Variants in ADCY5 observed in about 807,000 individuals in gnomAD.
The protein encoded by ADCY5 is adenylate cyclase type 5.
Under a neutral mutation model 119.7 loss-of-function variants are expected in ADCY5, and 30 were observed. The observed-to-expected ratio is 0.25, with a 90% CI of 0.19 to 0.34. ADCY5 has a LOEUF of 0.34. ADCY5 is among the 10% of genes least tolerant of loss of function. The probability of loss-of-function intolerance (pLI) is 1.00; values close to 1 mark genes in which losing one functional copy is unlikely to be tolerated. For missense variants in ADCY5, 1,324 were observed against 1,775.2 expected (o/e 0.75, Z 4.57); for synonymous variants, 753 against 762.2 (o/e 0.99, Z 0.20).
intron 11 of ADCY5, 69 bp downstream of exon 11, chr3:123,317,950 AC>A: frequency 7.0e-7 from 1 of 1,420,138 alleles, no homozygotes. Context: ...CTCCTAAATG[AC>A]CACCCCCTCC....
chr3:123,376,934 ATCC>A (rs1215278716), intron 1 of ADCY5, among the ~76,000 whole-genome samples: 1 of 152,196 alleles, frequency 6.6e-6, no homozygotes, highest in Admixed American at 6.5e-5. Context: ...GGGAAGCTGC[ATCC>A]TCTGGTGTTT....
At chr3:123,325,235 C>T in intron 8 of ADCY5, 87 bp downstream of exon 8, 1 of 1,513,800 alleles carries the variant, frequency 6.6e-7, no homozygotes, top group South Asian at 1.2e-5. Flanking sequence ...CCTTGGGCAA[C>T]ACGAGGCATC....
intron 1 of ADCY5, among the ~76,000 whole-genome samples, chr3:123,434,749 G>T (rs1945578565): frequency 6.6e-6 from 1 of 152,042 alleles, no homozygotes; most frequent in Admixed American, 6.6e-5. Context: ...CTCCCCAGGG[G>T]ATTCAAAGGT....
At chr3:123,391,048 C>G (rs1944388369) in intron 1 of ADCY5, among the ~76,000 whole-genome samples, 1 of 152,262 alleles carries the variant, frequency 6.6e-6, no homozygotes, top group Non-Finnish European at 1.5e-5. Flanking sequence ...CACTTCCCAT[C>G]TGCCCCTCCA....
At chr3:123,383,025 G>C (rs1381494943) in intron 1 of ADCY5, among the ~76,000 whole-genome samples, 1 of 152,082 alleles carries the variant, frequency 6.6e-6, no homozygotes, top group Non-Finnish European at 1.5e-5. Context: ...TCTCCCACCA[G>C]CCATCCTCAG....
At position 123,300,299 on chromosome 3, in the gene ADCY5, C is replaced by G; in HGVS notation, c.2725-4G>C. 1.2e-6 allele frequency: 2 copies of G among 1,612,794 alleles called. No individual in the cohort carries two copies. The highest frequency in any genetic ancestry group is 1.7e-6 in the Non-Finnish European group (2 of 1,179,868). On this transcript the variant is annotated splice_region_variant and splice_polypyrimidine_tract_variant and intron_variant, in intron 14 of 20. Transcript: ENST00000462833. ...GCAGCACGCTGTAGGTGAAGTACTG[C>G]GGGCAGAGGGCAGCAGCATCAGCTC...
chr3:123,419,329 C>CTCAT (rs1280624400), intron 1 of ADCY5: 5 of 398,264 alleles, frequency 1.3e-5, no homozygotes, highest in African/African-American at 1.1e-4. Flanking sequence ...ATCACTCTGG[C>CTCAT]TCATCTTCCA....
At chr3:123,365,095 A>G (rs11915884) in intron 1 of ADCY5, among the ~76,000 whole-genome samples, 151,178 of 152,212 alleles carry the variant, frequency 0.99, 75,091 homozygotes, top group East Asian at 1. Context: ...CACCATGCCT[A>G]GCTAATTTTT....
chr3:123,297,018 T>C, intron 16 of ADCY5: 1 of 1,536,032 alleles, frequency 6.5e-7, no homozygotes, highest in Non-Finnish European at 8.7e-7. Flanking sequence ...AGGTACCAGC[T>C]TCCATTCTCC....
chr3:123,438,813 C>T (rs1945670313), intron 1 of ADCY5, among the ~76,000 whole-genome samples: 1 of 152,090 alleles, frequency 6.6e-6, no homozygotes, highest in Non-Finnish European at 1.5e-5. Context: ...GTGGCATGAT[C>T]ACAGCTGACT....
At chr3:123,429,797 T>G (rs2107645426) in intron 1 of ADCY5, among the ~76,000 whole-genome samples, 2 of 152,256 alleles carry the variant, frequency 1.3e-5, no homozygotes, top group South Asian at 2.1e-4. Context: ...TCTCAGCTTC[T>G]GAAAAAACCA....
chr3:123,343,596 G>A (rs1942384490), intron 3 of ADCY5, among the ~76,000 whole-genome samples: 1 of 152,188 alleles, frequency 6.6e-6, no homozygotes, highest in African/African-American at 2.4e-5. Flanking sequence ...TTCTCTGGCT[G>A]AGAAGGCTGA....
chr3:123,337,166 T>C (rs1047538826), intron 3 of ADCY5, among the ~76,000 whole-genome samples: 1 of 152,226 alleles, frequency 6.6e-6, no homozygotes, highest in Admixed American at 6.5e-5. Flanking sequence ...TGTATTACTG[T>C]TGTTTATTAT....
intron 1 of ADCY5, chr3:123,419,241 C>A (rs1945251691): frequency 2.0e-6 from 2 of 985,012 alleles, no homozygotes; most frequent in Admixed American, 1.2e-4. Flanking sequence ...CACTCAAGGC[C>A]CTCCCCTCCA....
chr3:123,324,998 C>G (rs1430286227), intron 8 of ADCY5, among the ~76,000 whole-genome samples: 2 of 152,216 alleles, frequency 1.3e-5, no homozygotes, highest in African/African-American at 4.8e-5. Flanking sequence ...CAAGAGACAG[C>G]TGGAGGCTGT....
intron 1 of ADCY5, among the ~76,000 whole-genome samples, chr3:123,440,015 T>C (rs1945696014): frequency 6.6e-6 from 1 of 152,218 alleles, no homozygotes; most frequent in Non-Finnish European, 1.5e-5. Context: ...CCCACCAAAA[T>C]AGGCTTCCAA....
At chr3:123,363,193 A>T (rs904775734) in intron 1 of ADCY5, among the ~76,000 whole-genome samples, 4 of 151,836 alleles carry the variant, frequency 2.6e-5, no homozygotes, top group Admixed American at 2.6e-4. Flanking sequence ...AAAATGGGTA[A>T]TGTGGATGAA....
chr3:123,365,167 A>C (rs1943389534), intron 1 of ADCY5, among the ~76,000 whole-genome samples: 1 of 152,310 alleles, frequency 6.6e-6, no homozygotes, highest in Non-Finnish European at 1.5e-5. Context: ...CATGCTGGCC[A>C]GGAGGTCTTG....
intron 1 of ADCY5, among the ~76,000 whole-genome samples, chr3:123,378,176 G>C (rs983584062): frequency 6.6e-6 from 1 of 152,080 alleles, no homozygotes; most frequent in Non-Finnish European, 1.5e-5. Context: ...CACCCACGTG[G>C]TCACTCAACT....
Sources: gnomAD v4.1 joint callset for allele counts (sites outside exome capture counted in the v4.1 genomes callset) on GRCh38, gnomAD v4.1.1 for gene constraint, MANE v1.5 for transcripts, NCBI Gene and HGNC (gene_info 2026-07-23, HGNC 2026-07-21) for gene names.